The following LAMB4 variants were observed in gnomAD, a reference collection of about 807,000 sequenced individuals.
LAMB4 encodes laminin subunit beta 4, also known as laminin subunit beta-4.
Under a neutral mutation model 199.2 loss-of-function variants are expected in LAMB4, and 196 were observed. That is an observed-to-expected ratio of 0.98 (90% CI 0.88 to 1.11). LAMB4 has a LOEUF of 1.11. Ranked by LOEUF, LAMB4 falls within the 50% of genes least tolerant of loss-of-function variation. The pLI is 0.00. For missense variants in LAMB4, 2,080 were observed against 2,171.2 expected (o/e 0.96, Z 0.83); for synonymous variants, 744 against 770.6 (o/e 0.97, Z 0.57).
chr7:108,124,726 G>T (rs887867630), intron 1 of LAMB4, among the ~76,000 whole-genome samples: 3 of 151,412 alleles, frequency 2.0e-5, no homozygotes, highest in Non-Finnish European at 4.4e-5. Context: ...CCTCTTTCAC[G>T]TATTTTCAAG....
Position 108,068,156 on chromosome 7 carries a change from C to T in LAMB4, c.2306G>A (p.Cys769Tyr). ...GACTGAGCCCTGGGGGTGACACTTG[C>T]AGGCTGCAAGGAACAATGGAAGGGA... is the stretch of plus-strand genomic sequence containing the variant. The part of the protein sequence containing the change: ...SAKLHDGAVA[C>Y]KCHPQGSVGS... Residue 769 changes from cysteine to tyrosine, a missense_variant, in exon 19 of 34, where the codon TGC (cysteine) becomes TAC (tyrosine). By Grantham distance (194) the Cys-to-Tyr change is radical. Transcript: ENST00000388781. 6.2e-7 allele frequency: 1 copy of T among 1,614,040 alleles called. No individual in the cohort carries two copies. The highest frequency in any genetic ancestry group is 1.7e-5 in the Admixed American group (1 of 60,012).
intron 10 of LAMB4, among the ~76,000 whole-genome samples, chr7:108,100,840 G>A (rs1475883022): frequency 6.6e-6 from 1 of 152,150 alleles, no homozygotes; most frequent in Non-Finnish European, 1.5e-5. Context: ...GGATACTTAG[G>A]AAATTGCTCT....
intron 10 of LAMB4, among the ~76,000 whole-genome samples, chr7:108,102,025 T>G (rs1404019065): frequency 6.6e-6 from 1 of 152,158 alleles, no homozygotes; most frequent in Non-Finnish European, 1.5e-5. Flanking sequence ...ATTGGCACAC[T>G]CACTTAGGGG....
intron 10 of LAMB4, among the ~76,000 whole-genome samples, chr7:108,102,113 G>C (rs917604515): frequency 2.0e-5 from 3 of 152,024 alleles, no homozygotes; most frequent in Non-Finnish European, 2.9e-5. Context: ...TATCTCCTAG[G>C]GACAATGTTT....
intron 29 of LAMB4, among the ~76,000 whole-genome samples, chr7:108,041,849 C>T (rs750637994): frequency 1.3e-5 from 2 of 151,792 alleles, no homozygotes; most frequent in Non-Finnish European, 2.9e-5. Flanking sequence ...CCCTGTGACT[C>T]GAGTTTACAA....
intron 28 of LAMB4, among the ~76,000 whole-genome samples, chr7:108,045,744 C>G (rs1359197965): frequency 6.6e-6 from 1 of 152,170 alleles, no homozygotes; most frequent in Non-Finnish European, 1.5e-5. Context: ...GCTGTATTCT[C>G]AACTTGTAGA....
intron 3 of LAMB4, among the ~76,000 whole-genome samples, chr7:108,115,555 T>C (rs1001456174): frequency 6.6e-6 from 1 of 152,042 alleles, no homozygotes; most frequent in African/African-American, 2.4e-5. Flanking sequence ...CCTGTATTTT[T>C]AGCTGCTTCA....
intron 1 of LAMB4, among the ~76,000 whole-genome samples, chr7:108,127,636 G>A (rs138630007): frequency 6.6e-6 from 1 of 152,280 alleles, no homozygotes; most frequent in Non-Finnish European, 1.5e-5. Flanking sequence ...AAATGCCAAT[G>A]ATCAGGGCCC....
At chr7:108,033,523 C>T (rs1463904600) in intron 31 of LAMB4, among the ~76,000 whole-genome samples, 1 of 152,064 alleles carries the variant, frequency 6.6e-6, no homozygotes, top group Non-Finnish European at 1.5e-5. Flanking sequence ...ATTCTGTTGC[C>T]TCAGCCTTCC....
rs537900165 is a variant in LAMB4, at chr7:108,034,655, G to T, written c.4680-309C>A. 2.3e-4 allele frequency among the ~76,000 whole-genome samples: 35 copies of T among 152,264 alleles called. No homozygotes were observed. In the South Asian group the frequency reaches 7.3e-3, roughly 32 times the overall value. On this transcript the variant is annotated intron_variant, in intron 30 of 33. Transcript: ENST00000388781. ...TCTTTGCACATAAAAACTATCCCGT[G>T]AATTCCAGTTTCCCTGATGTCTCAA...
chr7:108,124,458 G>T (rs1365360913), intron 1 of LAMB4, among the ~76,000 whole-genome samples: 1 of 151,880 alleles, frequency 6.6e-6, no homozygotes, highest in Non-Finnish European at 1.5e-5. Flanking sequence ...TGTATATAAA[G>T]ATTGTATATA....
chr7:108,042,971 G>A (rs1435315631), intron 29 of LAMB4, among the ~76,000 whole-genome samples: 1 of 151,578 alleles, frequency 6.6e-6, no homozygotes. Context: ...GTGTGTGTGT[G>A]TGTGTGTATG....
At chr7:108,083,600 T>C (rs2037042651) in intron 14 of LAMB4, among the ~76,000 whole-genome samples, 1 of 152,218 alleles carries the variant, frequency 6.6e-6, no homozygotes, top group South Asian at 2.1e-4. Flanking sequence ...GGCAGTGGAA[T>C]GGGGCCCCTT....
chr7:108,123,894 G>A (rs2038685759), intron 1 of LAMB4, among the ~76,000 whole-genome samples: 1 of 152,168 alleles, frequency 6.6e-6, no homozygotes, highest in African/African-American at 2.4e-5. Context: ...TTTGGCCATG[G>A]CCCTTGAGAG....
intron 1 of LAMB4, among the ~76,000 whole-genome samples, chr7:108,128,779 T>C (rs562007230): frequency 9.8e-5 from 15 of 152,376 alleles, no homozygotes; most frequent in African/African-American, 3.6e-4. Flanking sequence ...CGGGTTGGTT[T>C]ACCAGAGCTG....
intron 25 of LAMB4, 144 bp downstream of exon 25, chr7:108,055,488 A>C: frequency 1.1e-6 from 1 of 918,864 alleles, no homozygotes; most frequent in Non-Finnish European, 1.7e-6. Flanking sequence ...CGCCCGGCCC[A>C]GCCTGGTTAT....
intron 17 of LAMB4, among the ~76,000 whole-genome samples, 200 bp from the exon 18 acceptor site, chr7:108,070,085 G>T (rs1305167412): frequency 1.3e-5 from 2 of 151,666 alleles, no homozygotes; most frequent in African/African-American, 4.8e-5. Context: ...CTGGACTTGT[G>T]GCTAAGAAAA....
chr7:108,040,013 C>T (rs1033672156), intron 29 of LAMB4, among the ~76,000 whole-genome samples: 1 of 152,174 alleles, frequency 6.6e-6, no homozygotes, highest in Admixed American at 6.5e-5. Context: ...ATCTAGAAAA[C>T]CCCGTAGCCT....
chr7:108,031,364 G>GAAAAAAAAAAAAAAAAAAA (rs2035031522), intron 31 of LAMB4, among the ~76,000 whole-genome samples: 2 of 87,446 alleles, frequency 2.3e-5, no homozygotes, highest in Non-Finnish European at 4.9e-5. Flanking sequence ...AAAGAAAAAG[G>GAAAAAAAAAAAAAAAAAAA]AAAAGAAAAA....
Sources: gnomAD v4.1 joint callset for allele counts (sites outside exome capture counted in the v4.1 genomes callset) on GRCh38, gnomAD v4.1.1 for gene constraint, MANE v1.5 for transcripts, NCBI Gene and HGNC (gene_info 2026-07-23, HGNC 2026-07-21) for gene names.